Variants in RAD54L2 observed in about 807,000 individuals in gnomAD.
RAD54L2 encodes RAD54 like 2, also known as helicase ARIP4.
A neutral mutation model predicts 138.4 loss-of-function variants in RAD54L2; 27 were observed. The ratio of observed to expected loss-of-function variants is 0.20; its 90% CI spans 0.14 to 0.27. The LOEUF is 0.27. Ranked by LOEUF, RAD54L2 falls within the 10% of genes least tolerant of loss-of-function variation. RAD54L2 has a pLI of 1.00. For missense variants in RAD54L2, 1,396 were observed against 1,890.2 expected (o/e 0.74, Z 4.85); for synonymous variants, 644 against 723.2 (o/e 0.89, Z 1.76).
chr3:51,647,100 C>T (rs1481719014), intron 19 of RAD54L2, among the ~76,000 whole-genome samples: 1 of 152,098 alleles, frequency 6.6e-6, no homozygotes, highest in African/African-American at 2.4e-5. Context: ...TCACCCTCCA[C>T]TTACTGATCA....
intron 22 of RAD54L2, among the ~76,000 whole-genome samples, chr3:51,661,210 C>T (rs1369582556): frequency 6.6e-6 from 1 of 152,176 alleles, no homozygotes; most frequent in East Asian, 1.9e-4. Flanking sequence ...GATCCACTCA[C>T]CTCGGTCTTC....
intron 15 of RAD54L2, 95 bp downstream of exon 15, chr3:51,641,962 A>T (rs886137824): frequency 1.2e-6 from 1 of 849,250 alleles, no homozygotes; most frequent in Non-Finnish European, 1.9e-6. Flanking sequence ...ACTCCATCAA[A>T]TGCATAGGAA....
chr3:51,564,127 G>T (rs1699160565), intron 2 of RAD54L2, among the ~76,000 whole-genome samples: 1 of 152,206 alleles, frequency 6.6e-6, no homozygotes, highest in South Asian at 2.1e-4. Flanking sequence ...GTTTGAGGCT[G>T]CTCCCAGTGC....
At chr3:51,548,974 C>T (rs1698768008) in intron 2 of RAD54L2, among the ~76,000 whole-genome samples, 1 of 151,898 alleles carries the variant, frequency 6.6e-6, no homozygotes. Flanking sequence ...CAGGTGCAGG[C>T]CACCATGCCC....
intron 3 of RAD54L2, among the ~76,000 whole-genome samples, chr3:51,603,702 T>G (rs1241358607): frequency 2.0e-5 from 3 of 152,118 alleles, no homozygotes; most frequent in African/African-American, 2.4e-5. Flanking sequence ...AAATAATTTT[T>G]GGGGTAGAGG....
chr3:51,544,791 A>G (rs1038720767), intron 2 of RAD54L2, among the ~76,000 whole-genome samples: 1 of 151,914 alleles, frequency 6.6e-6, no homozygotes, highest in Non-Finnish European at 1.5e-5. Flanking sequence ...TTTTAGTACA[A>G]AATTTCTCCA....
intron 3 of RAD54L2, among the ~76,000 whole-genome samples, chr3:51,602,596 C>T (rs1174010755): frequency 6.6e-6 from 1 of 152,166 alleles, no homozygotes; most frequent in Non-Finnish European, 1.5e-5. Flanking sequence ...CTGCCTAAAA[C>T]AATGGCAAGT....
intron 2 of RAD54L2, among the ~76,000 whole-genome samples, chr3:51,585,743 A>C (rs1699694752): frequency 6.6e-6 from 1 of 152,232 alleles, no homozygotes; most frequent in South Asian, 2.1e-4. Flanking sequence ...TAGACTTATT[A>C]AAACACTTAG....
intron 2 of RAD54L2, among the ~76,000 whole-genome samples, chr3:51,551,258 G>A (rs959622176): frequency 8.2e-4 from 125 of 152,054 alleles, no homozygotes; most frequent in African/African-American, 2.9e-3. Flanking sequence ...TCAGTCTCCT[G>A]AGTAGCTGGG....
At chr3:51,615,263 C>T (rs1700420028) in intron 3 of RAD54L2, among the ~76,000 whole-genome samples, 1 of 152,132 alleles carries the variant, frequency 6.6e-6, no homozygotes, top group South Asian at 2.1e-4. Flanking sequence ...GATCCACCCG[C>T]CTTGGCCTCC....
Position 51,665,487 on chromosome 3 carries a change from A to T in RAD54L2, c.*2067A>T, listed in dbSNP as rs1701893881. ...TCCAATAACACCAAAAGTGGAACTT[A>T]AGAAGCTTTGTGTTTTCATAAGCAC... On this transcript the variant is annotated 3_prime_UTR_variant, in exon 23 of 23. Transcript: ENST00000684192. 6.6e-6 allele frequency: 1 copy of T among 152,252 alleles called. No homozygotes were observed. Among genetic ancestry groups the T allele is most frequent in the Non-Finnish European group, 1.5e-5 (1 of 68,054 alleles). The allele number at this position is 152,252 out of a possible 1,614,324, so 9.4% of individuals were successfully genotyped here. A position where few individuals can be genotyped will look rare whatever the true frequency, so the allele number is the denominator to read the frequency against.
chr3:51,622,244 A>G (rs965626156), intron 3 of RAD54L2, among the ~76,000 whole-genome samples: 1 of 152,198 alleles, frequency 6.6e-6, no homozygotes, highest in Non-Finnish European at 1.5e-5. Flanking sequence ...GGCTGGGCAC[A>G]TAAGCAATGG....
chr3:51,663,520 G>A lies in RAD54L2; in HGVS notation c.*100G>A. The stretch of plus-strand genomic sequence containing the variant: ...CTTTTGAGAATAGGACACTTGGCAG[G>A]AGGGAAAAGGAAGAGGACAAAGGAG... On this transcript the variant is annotated 3_prime_UTR_variant, in exon 23 of 23. Coordinates refer to ENST00000684192, the MANE Select transcript of RAD54L2 (RefSeq NM_015106.4). 7.5e-7 allele frequency: 1 copy of A among 1,335,982 alleles called. No individual in the cohort carries two copies. Among genetic ancestry groups the A allele is most frequent in the Non-Finnish European group, 1.0e-6 (1 of 991,256 alleles). The allele number at this position is 1,335,982 out of a possible 1,614,324, so 82.8% of individuals were successfully genotyped here.
chr3:51,577,417 G>T (rs1055680101), intron 2 of RAD54L2, among the ~76,000 whole-genome samples: 3 of 152,010 alleles, frequency 2.0e-5, no homozygotes, highest in African/African-American at 7.2e-5. Flanking sequence ...TTTCTGTCTC[G>T]TCGATCTGTC....
intron 2 of RAD54L2, among the ~76,000 whole-genome samples, chr3:51,559,972 C>CTGTTGACTGATTGCCA (rs1457337017): frequency 2.0e-5 from 3 of 152,198 alleles, no homozygotes; most frequent in Non-Finnish European, 4.4e-5. Flanking sequence ...TGATGTGCTG[C>CTGTTGACTGATTGCCA]TGTTGACTGA....
chr3:51,564,955 C>A, intron 2 of RAD54L2, among the ~76,000 whole-genome samples: 1 of 152,016 alleles, frequency 6.6e-6, no homozygotes, highest in Non-Finnish European at 1.5e-5. Flanking sequence ...TCTGTAAGTT[C>A]AAATGAGGGA....
rs1426569112 is a variant in RAD54L2 at position 51,637,527 on chromosome 3, T to G, written c.1682+24T>G. The G allele has an allele frequency of 6.3e-7, 1 of 1,583,932 alleles. No individual in the cohort carries two copies. The highest frequency in any genetic ancestry group is 1.8e-5 in the Admixed American group (1 of 56,916). On this transcript the variant is annotated intron_variant, in intron 11 of 22. Coordinates refer to ENST00000684192, the MANE Select transcript of RAD54L2 (RefSeq NM_015106.4). This position sits in a 1 kb window ranked among gnomAD's most constrained non-coding sequence, Gnocchi z 5.9. ...AGGTGAGCCATCCTCAGGGTCCTGC[T>G]TCCTGAATTTTCAGAGGGCCCTGTT...
At chr3:51,559,986 C>T (rs146081067) in intron 2 of RAD54L2, among the ~76,000 whole-genome samples, 46 of 152,258 alleles carry the variant, frequency 3.0e-4, no homozygotes, top group African/African-American at 1.1e-3. Context: ...TGACTGATTG[C>T]CATGTTGTAT....
intron 3 of RAD54L2, among the ~76,000 whole-genome samples, chr3:51,594,066 C>CTTTTTTTT (rs904101025): frequency 9.3e-4 from 98 of 105,120 alleles, no homozygotes; most frequent in Middle Eastern, 6.6e-3. Flanking sequence ...TTTTCTTTTT[C>CTTTTTTTT]TTTTTTTTTT....
Sources: allele counts gnomAD v4.1 joint callset (sites outside exome capture counted in the v4.1 genomes callset), GRCh38; gene constraint gnomAD v4.1.1; non-coding constraint Gnocchi (gnomAD v3.1); transcripts MANE v1.5; gene names NCBI Gene and HGNC (gene_info 2026-07-23, HGNC 2026-07-21).